The following MYO1D variants were observed in gnomAD, a reference collection of about 807,000 sequenced individuals.
MYO1D encodes myosin ID, also known as unconventional myosin-Id.
MYO1D carries 83 observed loss-of-function variants against 122.0 expected under a neutral mutation model. That is an observed-to-expected ratio of 0.68 (90% CI 0.57 to 0.82). MYO1D has a LOEUF of 0.82. Ranked by LOEUF, MYO1D falls within the 40% of genes least tolerant of loss-of-function variation. MYO1D has a pLI of 0.00. For synonymous variants in MYO1D, 464 were observed against 446.9 expected (o/e 1.04, Z -0.48); for missense variants, 1,157 against 1,269.5 (o/e 0.91, Z 1.35).
chr17:32,621,367 A>T (rs532651845), intron 20 of MYO1D, among the ~76,000 whole-genome samples: 13 of 151,918 alleles, frequency 8.6e-5, no homozygotes, highest in Non-Finnish European at 1.3e-4. Context: ...AACAAGCTGC[A>T]CTGTGATTAT....
intron 8 of MYO1D, among the ~76,000 whole-genome samples, chr17:32,762,796 C>T (rs111856868): frequency 6.6e-6 from 1 of 151,188 alleles, no homozygotes; most frequent in Non-Finnish European, 1.5e-5. Context: ...ATTGCTTGAA[C>T]CCGGGAGGTG....
At chr17:32,828,313 G>A (rs1166168650) in intron 1 of MYO1D, among the ~76,000 whole-genome samples, 1 of 151,990 alleles carries the variant, frequency 6.6e-6, no homozygotes, top group Non-Finnish European at 1.5e-5. Flanking sequence ...TCAGGAGATC[G>A]AGATCATCCT....
intron 20 of MYO1D, among the ~76,000 whole-genome samples, chr17:32,615,352 A>C (rs563922403): frequency 6.6e-6 from 1 of 152,346 alleles, no homozygotes; most frequent in African/African-American, 2.4e-5. Context: ...AAAATTTGAC[A>C]ACACTGTTGC....
intron 21 of MYO1D, among the ~76,000 whole-genome samples, chr17:32,503,689 A>G (rs546572795): frequency 2.0e-5 from 3 of 152,208 alleles, no homozygotes; most frequent in South Asian, 4.1e-4. Context: ...GCTTCATGAG[A>G]AACTCTAGAG....
chr17:32,779,393 C>T (rs979630948), intron 2 of MYO1D, among the ~76,000 whole-genome samples: 1 of 151,450 alleles, frequency 6.6e-6, no homozygotes, highest in Admixed American at 6.6e-5. Context: ...AAAGAATGCA[C>T]TAGCTCTATA....
intron 16 of MYO1D, among the ~76,000 whole-genome samples, chr17:32,694,788 C>G (rs2040386054): frequency 6.7e-6 from 1 of 150,248 alleles, no homozygotes; most frequent in Non-Finnish European, 1.5e-5. Flanking sequence ...TGCTGGTCAT[C>G]TCTACTTGAA....
At chr17:32,548,959 C>G (rs758970688) in intron 21 of MYO1D, among the ~76,000 whole-genome samples, 2 of 152,114 alleles carry the variant, frequency 1.3e-5, no homozygotes, top group Non-Finnish European at 2.9e-5. Flanking sequence ...AATGATCCAC[C>G]TGCCTCGGCC....
chr17:32,509,534 C>T (rs2150858203), intron 21 of MYO1D, among the ~76,000 whole-genome samples: 1 of 152,222 alleles, frequency 6.6e-6, no homozygotes, highest in African/African-American at 2.4e-5. Flanking sequence ...GCACTGGCTC[C>T]ATGCAGATTT....
rs368059509 is a variant in MYO1D, at chr17:32,750,472, G to A, written c.1468-1466C>T. Among the ~76,000 whole-genome samples, 566 of 151,872 alleles carry A rather than the reference G, an allele frequency of 3.7e-3. 3 individuals carry two copies. The highest frequency in any genetic ancestry group is 7.1e-3 in the Admixed American group (108 of 15,256). ...ATGAAAAAAATACAAAAAATTAGCC[G>A]GGCGTGGTGGCAGACGCCTGTAGTC... On this transcript the variant is annotated intron_variant, in intron 11 of 21. Coordinates refer to ENST00000318217, the MANE Select transcript of MYO1D (RefSeq NM_015194.3).
chr17:32,508,141 C>T (rs555322551), intron 21 of MYO1D, among the ~76,000 whole-genome samples: 191 of 152,048 alleles, frequency 1.3e-3, no homozygotes, highest in Non-Finnish European at 2.0e-3. Flanking sequence ...ATAATCTGCC[C>T]GCCTTGGCCT....
At chr17:32,696,277 C>G (rs2089171624) in intron 16 of MYO1D, among the ~76,000 whole-genome samples, 1 of 151,928 alleles carries the variant, frequency 6.6e-6, no homozygotes, top group African/African-American at 2.4e-5. Flanking sequence ...AGGAAATTAA[C>G]TGTGACTTTT....
At position 32,739,889 on chromosome 17, in the gene MYO1D, G is replaced by GAACA. The variant is rs1481553203; in HGVS notation, c.1614-1508_1614-1505dup. Among the ~76,000 whole-genome samples the GAACA allele has an allele frequency of 7.9e-5, 12 of 152,292 alleles. No homozygotes were observed. The East Asian group carries it at 2.3e-3, about 29-fold the overall frequency. On this transcript the variant is annotated intron_variant, in intron 13 of 21. Transcript: ENST00000318217. ...TAATGTGTGGATTGACTGGGTCTGTGAACACAGACAGAGCAACACTCCCAG... is the reference window on the plus strand; with the variant it reads ...TAATGTGTGGATTGACTGGGTCTGTGAACAAACACAGACAGAGCAACACTCCCAG...
intron 14 of MYO1D, among the ~76,000 whole-genome samples, chr17:32,731,337 A>G (rs1039740038): frequency 7.2e-5 from 11 of 152,242 alleles, no homozygotes; most frequent in African/African-American, 2.2e-4. Flanking sequence ...CTATCCATTG[A>G]ATTTTTAATT....
chr17:32,791,122 G>T (rs1307865961), intron 1 of MYO1D, among the ~76,000 whole-genome samples: 4 of 152,160 alleles, frequency 2.6e-5, no homozygotes, highest in African/African-American at 9.7e-5. Context: ...CCAGCACTTT[G>T]GGAGACTGAG....
intron 21 of MYO1D, among the ~76,000 whole-genome samples, chr17:32,548,870 C>T (rs189226446): frequency 2.9e-4 from 44 of 151,900 alleles, no homozygotes; most frequent in Admixed American, 3.3e-4. Flanking sequence ...TGCACCACCG[C>T]GCCTAGCTAA....
intron 1 of MYO1D, among the ~76,000 whole-genome samples, chr17:32,870,614 A>G (rs1429041606): frequency 2.0e-5 from 3 of 150,564 alleles, no homozygotes; most frequent in Admixed American, 2.0e-4. Context: ...AAAAAAAAAG[A>G]AAGAAAAAAA....
At chr17:32,867,653 T>A (rs906926931) in intron 1 of MYO1D, among the ~76,000 whole-genome samples, 3 of 151,344 alleles carry the variant, frequency 2.0e-5, no homozygotes, top group Non-Finnish European at 2.9e-5. Context: ...AAAAATCAGC[T>A]GGGCATGGTG....
intron 16 of MYO1D, among the ~76,000 whole-genome samples, chr17:32,695,163 G>A (rs142182327): frequency 1.3e-5 from 2 of 152,130 alleles, no homozygotes; most frequent in Non-Finnish European, 2.9e-5. Flanking sequence ...TGGTGGGGGT[G>A]GGGGTGGTTT....
At chr17:32,694,918 C>G (rs1173658133) in intron 16 of MYO1D, among the ~76,000 whole-genome samples, 1 of 152,054 alleles carries the variant, frequency 6.6e-6, no homozygotes, top group African/African-American at 2.4e-5. Flanking sequence ...ATCCAGGACT[C>G]TATGGTGGAA....
Sources: gnomAD v4.1 joint callset for allele counts (sites outside exome capture counted in the v4.1 genomes callset) on GRCh38, gnomAD v4.1.1 for gene constraint, MANE v1.5 for transcripts, NCBI Gene and HGNC (gene_info 2026-07-23, HGNC 2026-07-21) for gene names.